Variants in TMEM132D observed in about 807,000 individuals in gnomAD.
The protein encoded by TMEM132D is transmembrane protein 132D.
TMEM132D carries 21 observed loss-of-function variants against 62.3 expected under a neutral mutation model. The ratio of observed to expected loss-of-function variants is 0.34; its 90% confidence interval spans 0.24 to 0.49. The LOEUF (loss-of-function observed/expected upper bound fraction) is 0.49. Ranked by LOEUF, TMEM132D falls within the 20% of genes least tolerant of loss-of-function variation. TMEM132D has a pLI of 0.99. For synonymous variants in TMEM132D, 621 were observed against 575.6 expected, an observed-to-expected ratio of 1.08 and a Z score of -1.13; for missense variants, 1,346 against 1,402.8, an observed-to-expected ratio of 0.96 and a Z score of 0.65.
chr12:129,511,110 T>A (rs548224729), intron 3 of TMEM132D, among the ~76,000 whole-genome samples: 1 of 152,216 alleles, frequency 6.6e-6, no homozygotes, highest in African/African-American at 2.4e-5. Context: ...TATATAGTCA[T>A]GTAAATACAT....
At chr12:129,355,600 A>G (rs896403880) in intron 3 of TMEM132D, among the ~76,000 whole-genome samples, 2 of 152,148 alleles carry the variant, frequency 1.3e-5, no homozygotes, top group African/African-American at 4.8e-5. Context: ...ACAATTCAGA[A>G]CACCTTCCAA....
chr12:129,899,472 T>C (rs974032630), intron 1 of TMEM132D, among the ~76,000 whole-genome samples: 6 of 150,914 alleles, frequency 4.0e-5, no homozygotes, highest in Middle Eastern at 3.2e-3. Context: ...GATGGACTGG[T>C]GGATGGATGG....
In TMEM132D at chr12:129,521,445, T is replaced by C. The variant is rs116741598; in HGVS notation, c.1115+9614A>G. ...TACTGCTGATCACAGAGCTTTTAAA[T>C]GGAAGTTAAGAGTTCCTTTTAGAAA... On this transcript the variant is annotated intron_variant, in intron 3 of 8. Transcript: ENST00000422113. The C allele has an allele frequency of 4.4e-3, 672 of 152,204 alleles. 3 individuals carry two copies. Among genetic ancestry groups the C allele is most frequent in the African/African-American group, 0.015 (627 of 41,530 alleles). 9.4% of individuals were successfully genotyped at this position (152,204 alleles called of 1,614,324 possible). A position where few individuals can be genotyped will look rare whatever the true frequency, so the allele number is the denominator to read the frequency against.
At chr12:129,361,619 T>C (rs1472302877) in intron 3 of TMEM132D, among the ~76,000 whole-genome samples, 1 of 152,222 alleles carries the variant, frequency 6.6e-6, no homozygotes, top group Non-Finnish European at 1.5e-5. Context: ...CAAATGTCCA[T>C]GGCAAATGCT....
intron 2 of TMEM132D, among the ~76,000 whole-genome samples, chr12:129,560,618 T>C (rs1877193648): frequency 6.6e-6 from 1 of 152,150 alleles, no homozygotes; most frequent in Non-Finnish European, 1.5e-5. Context: ...CTAGTCCTGG[T>C]TCATACTCTC....
At chr12:129,247,920 G>C (rs1880165065) in intron 4 of TMEM132D, among the ~76,000 whole-genome samples, 1 of 151,356 alleles carries the variant, frequency 6.6e-6, no homozygotes, top group Admixed American at 6.6e-5. Flanking sequence ...CATGAAACTC[G>C]GGTACTTGGA....
At chr12:129,398,364 C>T (rs1871495232) in intron 3 of TMEM132D, among the ~76,000 whole-genome samples, 1 of 152,208 alleles carries the variant, frequency 6.6e-6, no homozygotes, top group Admixed American at 6.5e-5. Context: ...CATCACTTCT[C>T]ACTTGATTGT....
intron 1 of TMEM132D, chr12:129,840,667 C>G (rs1368948758): frequency 6.6e-6 from 1 of 152,222 alleles, no homozygotes; most frequent in African/African-American, 2.4e-5. Flanking sequence ...CAAGGAGGCT[C>G]CCAGTGCGGC....
chr12:129,331,308 G>A (rs537403088), intron 4 of TMEM132D, among the ~76,000 whole-genome samples: 3 of 152,282 alleles, frequency 2.0e-5, no homozygotes, highest in East Asian at 1.9e-4. Flanking sequence ...TGGCAGATGC[G>A]TCTGTATGTA....
chr12:129,854,123 G>T lies in TMEM132D; in HGVS notation c.79+49138C>A, dbSNP rs1873636126. ...CCACGTTTCCCATGTTACGTCACTG[G>T]CTGTTCTAAGTGCACAATGCTTAAC... On this transcript the variant is annotated intron_variant, in intron 1 of 8. Transcript: ENST00000422113. Among the ~76,000 whole-genome samples, 3 of 152,146 alleles carry T rather than the reference G, an allele frequency of 2.0e-5. No individual in the cohort carries two copies. In the South Asian group the frequency reaches 6.2e-4, roughly 32 times the overall value.
At chr12:129,264,348 C>G (rs1880630875) in intron 4 of TMEM132D, among the ~76,000 whole-genome samples, 1 of 152,064 alleles carries the variant, frequency 6.6e-6, no homozygotes, top group Non-Finnish European at 1.5e-5. Flanking sequence ...GAGATTGTGC[C>G]ACTGCACTCC....
intron 4 of TMEM132D, among the ~76,000 whole-genome samples, chr12:129,282,562 TC>T (rs1881186794): frequency 6.6e-6 from 1 of 152,128 alleles, no homozygotes; most frequent in Non-Finnish European, 1.5e-5. Flanking sequence ...GGCAACCCTC[TC>T]CTGACCTCCA....
chr12:129,294,587 C>G (rs1043969088), intron 4 of TMEM132D, among the ~76,000 whole-genome samples: 2 of 152,124 alleles, frequency 1.3e-5, no homozygotes, highest in Admixed American at 1.3e-4. Context: ...TGACTGGATG[C>G]AAGGGCTAAG....
chr12:129,505,201 G>C (rs1301540016), intron 3 of TMEM132D, among the ~76,000 whole-genome samples: 1 of 151,846 alleles, frequency 6.6e-6, no homozygotes. Context: ...TTGTTGGGTA[G>C]AATGTTCTGT....
intron 3 of TMEM132D, among the ~76,000 whole-genome samples, chr12:129,530,118 C>T (rs935392072): frequency 6.6e-6 from 1 of 152,208 alleles, no homozygotes; most frequent in Admixed American, 6.5e-5. Context: ...AGAAAAGAAT[C>T]CAAATCAAAT....
chr12:129,137,889 G>GTT (rs1876632097), intron 5 of TMEM132D, among the ~76,000 whole-genome samples: 1 of 138,308 alleles, frequency 7.2e-6, no homozygotes, highest in Non-Finnish European at 1.6e-5. Context: ...GCAAATAAGA[G>GTT]GTTTTTTTTT....
chr12:129,852,022 T>G (rs1193326222), intron 1 of TMEM132D, among the ~76,000 whole-genome samples: 2 of 152,194 alleles, frequency 1.3e-5, no homozygotes, highest in African/African-American at 4.8e-5. Context: ...ACCCTCGAGC[T>G]GCAGCTTGCA....
chr12:129,742,752 G>A (rs1014626142), intron 1 of TMEM132D, among the ~76,000 whole-genome samples: 40 of 152,170 alleles, frequency 2.6e-4, no homozygotes, highest in Non-Finnish European at 7.3e-5. Flanking sequence ...ATTGCTGTCT[G>A]CATGCACCTG....
chr12:129,467,527 G>C (rs1327307685), intron 3 of TMEM132D, among the ~76,000 whole-genome samples: 1 of 152,194 alleles, frequency 6.6e-6, no homozygotes, highest in Non-Finnish European at 1.5e-5. Flanking sequence ...CTGGGGCTGG[G>C]TGACATCACT....
Sources: gnomAD v4.1 joint callset for allele counts (sites outside exome capture counted in the v4.1 genomes callset) on GRCh38, gnomAD v4.1.1 for gene constraint, MANE v1.5 for transcripts, NCBI Gene and HGNC (gene_info 2026-07-23, HGNC 2026-07-21) for gene names.